The following OPRM1 variants were observed in gnomAD, a reference collection of about 807,000 sequenced individuals.
The protein encoded by OPRM1 is mu-type opioid receptor.
OPRM1 carries 27 observed loss-of-function variants against 31.8 expected under a neutral mutation model. That is an observed-to-expected ratio of 0.85 (90% CI 0.63 to 1.17). The LOEUF is 1.17. Among genes scored for constraint, OPRM1 ranks in the 50% most tolerant of loss-of-function variants. The pLI is 0.00. For synonymous variants in OPRM1, 196 were observed against 189.9 expected (o/e 1.03, Z -0.26); for missense variants, 536 against 511.1 (o/e 1.05, Z -0.47).
chr6:154,081,469 G>A (rs796935528), intron 1 of OPRM1, among the ~76,000 whole-genome samples: 19 of 152,248 alleles, frequency 1.2e-4, no homozygotes, highest in African/African-American at 3.6e-4. Flanking sequence ...TCGCGCCACT[G>A]CACTCCAGCC....
rs1475606950 is a variant in OPRM1 at position 154,240,617 on chromosome 6, G to A, written c.1165-6076G>A. Among the ~76,000 whole-genome samples, 10 of 152,110 alleles carry A rather than the reference G, an allele frequency of 6.6e-5. No individual in the cohort carries two copies. The East Asian group carries it at 1.9e-3, about 29-fold the overall frequency. ...GACTTTCAAGTAACATTTTCTACAT[G>A]GGTAATTCTGCCCAATGTAAAAAGT... On this transcript the variant is annotated intron_variant, in intron 3 of 3. Transcript: ENST00000337049.
At chr6:154,028,627 G>A (rs73788958) in intron 1 of OPRM1, among the ~76,000 whole-genome samples, 3,525 of 152,298 alleles carry the variant, frequency 0.023, 159 homozygotes, top group African/African-American at 0.081. Flanking sequence ...AGGAACTCAA[G>A]TTCAGACCAC....
chr6:154,189,479 A>G (rs1481972837), intron 3 of OPRM1, among the ~76,000 whole-genome samples: 1 of 151,744 alleles, frequency 6.6e-6, no homozygotes, highest in African/African-American at 2.4e-5. Flanking sequence ...TGAAAGAAAA[A>G]ATGTGCAAAA....
exon 1 of OPRM1, chr6:154,010,641 T>C: frequency 6.7e-7 from 1 of 1,494,082 alleles, no homozygotes; most frequent in South Asian, 1.3e-5. Context: ...TAAGTTTGCA[T>C]CCTGAAAACT....
intron 1 of OPRM1, among the ~76,000 whole-genome samples, chr6:154,050,294 A>G (rs985935366): frequency 6.6e-6 from 1 of 152,180 alleles, no homozygotes. Context: ...CTGCACTCCT[A>G]TGTTTGTTGC....
At chr6:154,175,768 T>A (rs1800273029) in intron 3 of OPRM1, among the ~76,000 whole-genome samples, 1 of 152,164 alleles carries the variant, frequency 6.6e-6, no homozygotes, top group African/African-American at 2.4e-5. Flanking sequence ...TACCATTCCT[T>A]CTGAAACTAT....
intron 3 of OPRM1, among the ~76,000 whole-genome samples, chr6:154,152,066 A>G (rs955045506): frequency 6.6e-6 from 1 of 151,210 alleles, no homozygotes; most frequent in Non-Finnish European, 1.5e-5. Flanking sequence ...AATCCCAGCT[A>G]TTCACGAAGC....
At chr6:154,076,581 C>A (rs1787929307) in intron 1 of OPRM1, among the ~76,000 whole-genome samples, 1 of 152,100 alleles carries the variant, frequency 6.6e-6, no homozygotes. Flanking sequence ...ACTTTTGGAA[C>A]TGGTCATCAA....
At chr6:154,090,334 AATAGGAATTTTCCTC>A (rs1387913457) in intron 2 of OPRM1, among the ~76,000 whole-genome samples, 156 bp downstream of exon 2, 1 of 152,226 alleles carries the variant, frequency 6.6e-6, no homozygotes, top group African/African-American at 2.4e-5. Context: ...AATACTTAAA[AATAGGAATTTTCCTC>A]ATAATTTTAG....
At chr6:154,146,601 T>C (rs575501993) in intron 3 of OPRM1, among the ~76,000 whole-genome samples, 1 of 152,334 alleles carries the variant, frequency 6.6e-6, no homozygotes, top group South Asian at 2.1e-4. Context: ...TTCACTCATA[T>C]TGGATGATAC....
chr6:154,223,070 G>C, intron 3 of OPRM1: 1 of 922,526 alleles, frequency 1.1e-6, no homozygotes, highest in Non-Finnish European at 1.8e-6. Context: ...ACATTCCGAT[G>C]TTACCTTCAC....
intron 1 of OPRM1, among the ~76,000 whole-genome samples, chr6:154,044,072 A>G (rs529483525): frequency 3.3e-5 from 5 of 152,258 alleles, no homozygotes; most frequent in African/African-American, 7.2e-5. Flanking sequence ...TAAAAAATAT[A>G]TAATTACAGA....
intron 1 of OPRM1, among the ~76,000 whole-genome samples, chr6:154,042,845 G>T (rs1175983879): frequency 6.6e-6 from 1 of 152,008 alleles, no homozygotes; most frequent in Non-Finnish European, 1.5e-5. Context: ...TTATCACAAA[G>T]ATTTTAGAAA....
At chr6:154,152,033 C>T (rs560676920) in intron 3 of OPRM1, among the ~76,000 whole-genome samples, 5 of 151,432 alleles carry the variant, frequency 3.3e-5, no homozygotes, top group Admixed American at 6.6e-5. Context: ...AAAAGTTAGC[C>T]GGGTATGGTG....
chr6:154,196,385 C>G (rs958794559), intron 3 of OPRM1, among the ~76,000 whole-genome samples: 2 of 152,268 alleles, frequency 1.3e-5, no homozygotes, highest in East Asian at 1.9e-4. Context: ...CATGCATGCT[C>G]TAGAATGCCT....
chr6:154,242,237 T>C (rs1331640637), intron 3 of OPRM1, among the ~76,000 whole-genome samples: 2 of 152,178 alleles, frequency 1.3e-5, no homozygotes, highest in Non-Finnish European at 2.9e-5. Context: ...AGAGCAGCTG[T>C]GCAGGACCTA....
chr6:154,046,691 C>T (rs1187761617), intron 1 of OPRM1: 1 of 152,140 alleles, frequency 6.6e-6, no homozygotes, highest in Non-Finnish European at 1.5e-5. Flanking sequence ...ATCAATTTCT[C>T]AGATACAAAT....
intron 3 of OPRM1, among the ~76,000 whole-genome samples, chr6:154,099,521 G>A (rs1193592193): frequency 6.7e-6 from 1 of 149,588 alleles, no homozygotes; most frequent in Admixed American, 6.7e-5. Context: ...GAAAGAATGA[G>A]AGAAAGAGGA....
intron 2 of OPRM1, 85 bp from the exon 3 acceptor site, chr6:154,090,867 A>C (rs918317362): frequency 7.1e-6 from 9 of 1,262,966 alleles, no homozygotes; most frequent in Non-Finnish European, 1.0e-5. Flanking sequence ...AAGGCTAAAA[A>C]TGAATGAGCA....
Sources: allele counts gnomAD v4.1 joint callset (sites outside exome capture counted in the v4.1 genomes callset), GRCh38; gene constraint gnomAD v4.1.1; transcripts MANE v1.5; gene names NCBI Gene and HGNC (gene_info 2026-07-23, HGNC 2026-07-21).